Variants in MAP2 observed in about 807,000 individuals in gnomAD.
MAP2 encodes microtubule associated protein 2.
In MAP2, 14 loss-of-function variants were observed where a neutral mutation model predicts 137.6. The ratio of observed to expected loss-of-function variants is 0.10; its 90% CI spans 0.07 to 0.16. The LOEUF (loss-of-function observed/expected upper bound fraction) is 0.16. MAP2 is among the 10% of genes least tolerant of loss of function. The pLI is 1.00. For synonymous variants in MAP2, 786 were observed against 782.3 expected (o/e 1.00, Z -0.08); for missense variants, 2,088 against 2,191.5 (o/e 0.95, Z 0.94).
chr2:209,545,790 A>G (rs1236679513), intron 2 of MAP2, among the ~76,000 whole-genome samples: 1 of 152,210 alleles, frequency 6.6e-6, no homozygotes, highest in Non-Finnish European at 1.5e-5. Flanking sequence ...TGAGAAAGTT[A>G]ATAGTACTGA....
chr2:209,604,350 A>T (rs551509896), intron 3 of MAP2, among the ~76,000 whole-genome samples: 130 of 152,254 alleles, frequency 8.5e-4, no homozygotes, highest in African/African-American at 2.4e-3. Flanking sequence ...TTGGCTCTTT[A>T]GTTCCCTAAA....
At chr2:209,509,438 T>G (rs1039523216) in intron 2 of MAP2, among the ~76,000 whole-genome samples, 2 of 152,008 alleles carry the variant, frequency 1.3e-5, no homozygotes, top group African/African-American at 4.8e-5. Flanking sequence ...TAAGCCTCTC[T>G]TATTACCAGG....
chr2:209,453,660 G>C (rs1700806897), intron 1 of MAP2, among the ~76,000 whole-genome samples: 1 of 152,050 alleles, frequency 6.6e-6, no homozygotes, highest in Non-Finnish European at 1.5e-5. Context: ...TATTCTGTTA[G>C]TAACTAAAAT....
At chr2:209,462,085 C>G (rs1221663270) in intron 1 of MAP2, among the ~76,000 whole-genome samples, 1 of 152,134 alleles carries the variant, frequency 6.6e-6, no homozygotes, top group East Asian at 1.9e-4. Context: ...CTACCTTGAG[C>G]TGCTTTATAA....
intron 2 of MAP2, among the ~76,000 whole-genome samples, chr2:209,511,952 G>A (rs1462307612): frequency 6.6e-6 from 1 of 151,932 alleles, no homozygotes; most frequent in Non-Finnish European, 1.5e-5. Flanking sequence ...TCCAGAACAG[G>A]GTGGATGTTG....
chr2:209,648,620 A>C (rs935490801), intron 4 of MAP2, among the ~76,000 whole-genome samples: 1 of 130,618 alleles, frequency 7.7e-6, no homozygotes, highest in African/African-American at 3.3e-5. Context: ...TACTAAAAAT[A>C]CAAAAAAAAA....
intron 2 of MAP2, among the ~76,000 whole-genome samples, chr2:209,539,757 G>A (rs1208342106): frequency 6.6e-6 from 1 of 151,698 alleles, no homozygotes; most frequent in Non-Finnish European, 1.5e-5. Context: ...ATTTGTTGTT[G>A]ACAAACTCAT....
chr2:209,644,814 G>T (rs1172715627), intron 4 of MAP2, among the ~76,000 whole-genome samples: 1 of 152,068 alleles, frequency 6.6e-6, no homozygotes, highest in Non-Finnish European at 1.5e-5. Flanking sequence ...CGAAGAAAAG[G>T]TATGGAAAAC....
At chr2:209,725,018 A>G (rs1584704782) in intron 13 of MAP2, among the ~76,000 whole-genome samples, 1 of 152,218 alleles carries the variant, frequency 6.6e-6, no homozygotes, top group African/African-American at 2.4e-5. Context: ...TCCCTTGTTT[A>G]AATATGCAGA....
intron 4 of MAP2, 67 bp from the exon 5 acceptor site, chr2:209,653,075 C>A (rs2094915181): frequency 3.1e-6 from 4 of 1,305,284 alleles, no homozygotes; most frequent in South Asian, 3.4e-5. Context: ...TTTTTCCTAT[C>A]TTGGTACAAC....
At chr2:209,647,549 A>G (rs766139342) in intron 4 of MAP2, among the ~76,000 whole-genome samples, 1 of 152,226 alleles carries the variant, frequency 6.6e-6, no homozygotes, top group East Asian at 1.9e-4. Context: ...CTGATATACT[A>G]TGATACAGCT....
intron 2 of MAP2, among the ~76,000 whole-genome samples, chr2:209,563,544 T>C (rs288084): frequency 0.33 from 49,672 of 152,066 alleles, 14,173 homozygotes; most frequent in African/African-American, 0.77. Flanking sequence ...GCCACCAGCT[T>C]CCCAACCCAC....
intron 13 of MAP2, chr2:209,710,474 T>A (rs1358109749): frequency 2.0e-6 from 1 of 501,656 alleles, no homozygotes; most frequent in East Asian, 3.2e-5. Flanking sequence ...TGGGTAAAAA[T>A]TTTTACCAAC....
intron 1 of MAP2, among the ~76,000 whole-genome samples, chr2:209,476,398 T>G (rs1311040094): frequency 6.8e-5 from 1 of 14,796 alleles, no homozygotes; most frequent in African/African-American, 9.9e-5. Flanking sequence ...TTTTTCTTAG[T>G]TTTTTTTTTT....
At chr2:209,691,391 C>CA (rs1179712459) in intron 7 of MAP2, among the ~76,000 whole-genome samples, 1 of 152,132 alleles carries the variant, frequency 6.6e-6, no homozygotes, top group Non-Finnish European at 1.5e-5. Flanking sequence ...CTCCCCATGG[C>CA]AGCCAGCCCT....
intron 4 of MAP2, among the ~76,000 whole-genome samples, chr2:209,625,636 A>G (rs551533939): frequency 6.6e-6 from 1 of 152,290 alleles, no homozygotes; most frequent in South Asian, 2.1e-4. Context: ...ACTGGACAGA[A>G]CACCAGCCCC....
intron 1 of MAP2, among the ~76,000 whole-genome samples, chr2:209,478,779 T>C (rs1313036757): frequency 6.6e-6 from 1 of 152,248 alleles, no homozygotes; most frequent in African/African-American, 2.4e-5. Context: ...CTAGATTTAA[T>C]TATCTAAATA....
At chr2:209,484,897 ATCT>A (rs1039605919) in intron 1 of MAP2, among the ~76,000 whole-genome samples, 7 of 152,204 alleles carry the variant, frequency 4.6e-5, no homozygotes, top group Non-Finnish European at 8.8e-5. Context: ...GAAAAAAGAA[ATCT>A]TCTTAAAGAA....
Position 209,476,013 on chromosome 2 carries a change from T to C in MAP2, c.-221-31579T>C, listed in dbSNP as rs145879419. The stretch of plus-strand genomic sequence containing the variant: ...TTTAATATAACTCAAAATGCTTTTT[T>C]AAATTTTAGATTGAATGTATTTTAC... On this transcript the variant is annotated intron_variant, in intron 1 of 15. Coordinates refer to ENST00000682079, the MANE Select transcript of MAP2 (RefSeq NM_001375505.1). Among the ~76,000 whole-genome samples, 6 of 152,306 alleles carry C rather than the reference T, an allele frequency of 3.9e-5. No homozygotes were observed. The East Asian group carries it at 1.2e-3, about 29-fold the overall frequency.
Sources: gnomAD v4.1 joint callset for allele counts (sites outside exome capture counted in the v4.1 genomes callset) on GRCh38, gnomAD v4.1.1 for gene constraint, MANE v1.5 for transcripts, NCBI Gene and HGNC (gene_info 2026-07-23, HGNC 2026-07-21) for gene names.